FRMPD4: variants seen among roughly 807,000 people sequenced by gnomAD.
The protein encoded by FRMPD4 is FERM and PDZ domain containing 4.
In FRMPD4, 22 loss-of-function variants were observed where a neutral mutation model predicts 94.1. The ratio of observed to expected loss-of-function variants is 0.23; its 90% CI spans 0.17 to 0.33. The LOEUF is 0.33. Among genes scored for constraint, FRMPD4 ranks in the 10% least tolerant of loss-of-function variants. FRMPD4 has a pLI of 1.00. For missense variants in FRMPD4, 1,111 were observed against 1,339.9 expected (o/e 0.83, Z 2.67); for synonymous variants, 631 against 548.6 (o/e 1.15, Z -2.10).
chrX:12,307,529 G>C (rs1006635140), intron 1 of FRMPD4, among the ~76,000 whole-genome samples: 1 of 111,338 alleles, frequency 9.0e-6, no homozygotes. Context: ...TCAAAAACAG[G>C]CAAAACTAGT....
chrX:12,345,175 T>C (rs1226114885), intron 1 of FRMPD4, among the ~76,000 whole-genome samples: 1 of 109,444 alleles, frequency 9.1e-6, no homozygotes, highest in Non-Finnish European at 1.9e-5. Flanking sequence ...GATGGATGGA[T>C]GGATAGACGG....
At chrX:12,583,665 G>A (rs538955074) in intron 2 of FRMPD4, 2 of 369,522 alleles carry the variant, frequency 5.4e-6, no homozygotes, top group Non-Finnish European at 9.5e-6. Flanking sequence ...TGCGCGCCCC[G>A]CCGCCCTGTC....
At chrX:12,606,313 G>A (rs748584339) in intron 2 of FRMPD4, among the ~76,000 whole-genome samples, 3 of 111,530 alleles carry the variant, frequency 2.7e-5, no homozygotes, top group Non-Finnish European at 5.6e-5. Context: ...TGTCTGGAGG[G>A]CGTACTATAA....
intron 2 of FRMPD4, among the ~76,000 whole-genome samples, chrX:12,605,777 T>C (rs1263050039): frequency 9.0e-6 from 1 of 111,213 alleles, no homozygotes; most frequent in Non-Finnish European, 1.9e-5. Context: ...TGTTCCCTGC[T>C]GATCATTACA....
chrX:11,897,692 C>A (rs1247045141), intron 3 of FRMPD4, among the ~76,000 whole-genome samples: 3 of 111,961 alleles, frequency 2.7e-5, no homozygotes, highest in African/African-American at 9.7e-5. Context: ...CATTGTGTAC[C>A]ATGTGTGCCA....
In FRMPD4 at chrX:12,219,263, G is replaced by T. The variant is rs750720639; in HGVS notation, c.41+80251G>T. Among the ~76,000 whole-genome samples, 3 of 111,428 alleles carry T rather than the reference G, an allele frequency of 2.7e-5. No homozygotes were observed. In the East Asian group the frequency reaches 8.5e-4, roughly 31 times the overall value. On this transcript the variant is annotated intron_variant, in intron 1 of 16. Coordinates refer to ENST00000675598, the MANE Select transcript of FRMPD4 (RefSeq NM_001368397.1). Reference sequence around the variant, plus strand: ...ATGCACCTGTATTCCCAGTTACTCAGGAGGCTGAGGTAGGAGGATCGCTTA... The same window carrying T: ...ATGCACCTGTATTCCCAGTTACTCATGAGGCTGAGGTAGGAGGATCGCTTA...
intron 2 of FRMPD4, chrX:12,583,412 C>T: frequency 2.6e-6 from 3 of 1,164,735 alleles, no homozygotes; most frequent in Non-Finnish European, 3.5e-6. Context: ...TGGGCACACT[C>T]ACCGAACATG....
intron 1 of FRMPD4, among the ~76,000 whole-genome samples, chrX:12,439,734 C>T (rs2057113637): frequency 8.9e-6 from 1 of 112,084 alleles, no homozygotes; most frequent in African/African-American, 3.2e-5. Context: ...GAGAAGGTCA[C>T]CTGCCAGCAG....
chrX:12,466,885 C>T (rs1209337366), intron 1 of FRMPD4, among the ~76,000 whole-genome samples: 5 of 111,786 alleles, frequency 4.5e-5, no homozygotes, highest in African/African-American at 9.8e-5. Flanking sequence ...ATGGAAGGAA[C>T]GTCGAAATTC....
At chrX:12,607,435 C>T (rs950339764) in intron 2 of FRMPD4, among the ~76,000 whole-genome samples, 12 of 111,758 alleles carry the variant, frequency 1.1e-4, no homozygotes. Context: ...GGTGTGTGAC[C>T]CATTCAGTGA....
chrX:12,285,967 A>C (rs1008478798), intron 1 of FRMPD4, among the ~76,000 whole-genome samples: 1 of 112,229 alleles, frequency 8.9e-6, no homozygotes, highest in African/African-American at 3.2e-5. Flanking sequence ...AGATAAGCAC[A>C]TAGGGAATTT....
At chrX:12,538,602 G>A (rs1310710573) in intron 2 of FRMPD4, among the ~76,000 whole-genome samples, 1 of 111,455 alleles carries the variant, frequency 9.0e-6, no homozygotes, top group African/African-American at 3.3e-5. Flanking sequence ...CACCCCACAC[G>A]GCCGGGTACC....
chrX:12,447,125 G>A (rs1408147749), intron 1 of FRMPD4, among the ~76,000 whole-genome samples: 3 of 111,439 alleles, frequency 2.7e-5, no homozygotes, highest in Non-Finnish European at 5.7e-5. Flanking sequence ...TCCAAATGAC[G>A]AAATTAATAC....
At chrX:12,096,340 G>C (rs1010296467) in intron 3 of FRMPD4, among the ~76,000 whole-genome samples, 11 of 112,416 alleles carry the variant, frequency 9.8e-5, no homozygotes, top group African/African-American at 3.5e-4. Context: ...TGCCTCCATT[G>C]CATTCATGTA....
intron 2 of FRMPD4, 121 bp from the exon 3 acceptor site, chrX:12,609,600 C>T: frequency 1.7e-6 from 1 of 605,393 alleles, no homozygotes; most frequent in Middle Eastern, 3.4e-4. Flanking sequence ...ATGGGTCTCC[C>T]CAGATCTTTC....
chrX:12,103,152 C>T (rs1268323691), intron 3 of FRMPD4, among the ~76,000 whole-genome samples: 2 of 111,374 alleles, frequency 1.8e-5, no homozygotes, highest in South Asian at 3.8e-4. Flanking sequence ...GTCACACTGC[C>T]TCAGTTTCCT....
intron 16 of FRMPD4, among the ~76,000 whole-genome samples, chrX:12,719,850 GA>G (rs144128819): frequency 0.037 from 3,818 of 104,073 alleles, 62 homozygotes; most frequent in Middle Eastern, 0.073. Context: ...TTTTCTTAAA[GA>G]AAAAAAAAAA....
intron 1 of FRMPD4, among the ~76,000 whole-genome samples, chrX:12,325,760 TG>T (rs1054190070): frequency 8.9e-6 from 1 of 112,189 alleles, no homozygotes; most frequent in African/African-American, 3.2e-5. Context: ...TCAGACATAC[TG>T]AAGTAGAATC....
At chrX:12,211,199 A>G (rs1323110828) in intron 1 of FRMPD4, among the ~76,000 whole-genome samples, 2 of 111,174 alleles carry the variant, frequency 1.8e-5, no homozygotes, top group African/African-American at 6.7e-5. Context: ...GAGCCTCTCA[A>G]TACCTGAATT....
Sources: gnomAD v4.1 joint callset for allele counts (sites outside exome capture counted in the v4.1 genomes callset) on GRCh38, gnomAD v4.1.1 for gene constraint, MANE v1.5 for transcripts, NCBI Gene and HGNC (gene_info 2026-07-23, HGNC 2026-07-21) for gene names.